Variants in KCNIP1 observed in about 807,000 individuals in gnomAD.
The protein encoded by KCNIP1 is potassium voltage-gated channel interacting protein 1, also known as A-type potassium channel modulatory protein KCNIP1.
In KCNIP1, 18 loss-of-function variants were observed where a neutral mutation model predicts 33.0. The observed-to-expected ratio is 0.55, with a 90% CI of 0.38 to 0.81. The LOEUF is 0.81. KCNIP1 is among the 30% of genes least tolerant of loss of function. KCNIP1 has a pLI of 0.00. For synonymous variants in KCNIP1, 93 were observed against 98.3 expected (o/e 0.95, Z 0.32); for missense variants, 238 against 271.6 (o/e 0.88, Z 0.87).
chr5:170,718,983 G>A (rs1275863796), intron 2 of KCNIP1, 101 bp downstream of exon 2: 10 of 1,460,394 alleles, frequency 6.8e-6, no homozygotes, highest in Non-Finnish European at 8.3e-6. Context: ...CCATATGTGA[G>A]GCTGTACAAG....
chr5:170,504,061 G>GCAGCAGC lies in KCNIP1; in HGVS notation c.-511_-510insAGCAGCC. On this transcript the variant is annotated 5_prime_UTR_variant, in exon 1 of 8. Coordinates refer to ENST00000328939, the MANE Select transcript of KCNIP1 (RefSeq NM_014592.4). This position sits in a 1 kb window ranked among gnomAD's most constrained non-coding sequence, Gnocchi z 6.0. ...GCTGGCAGCAGGCAGCAGGCAGCAG[G>GCAGCAGC]CGGGCGCGCTGTGGCTCCGCGCCGC... The GCAGCAGC allele has an allele frequency of 1.0e-6, 1 of 985,388 alleles. No homozygotes were observed. The highest frequency in any genetic ancestry group is 1.8e-5 in the African/African-American group (1 of 57,138). The allele number at this position is 985,388 out of a possible 1,614,324, so 61.0% of individuals were successfully genotyped here.
At chr5:170,383,689 T>G (rs770467093) in intron 1 of KCNIP1, 3 of 1,614,178 alleles carry the variant, frequency 1.9e-6, no homozygotes, top group Admixed American at 3.3e-5. Context: ...CTGCTGGTTC[T>G]GGTCCCGAGT....
At chr5:170,391,870 T>C (rs1754604990) in intron 1 of KCNIP1, among the ~76,000 whole-genome samples, 1 of 152,198 alleles carries the variant, frequency 6.6e-6, no homozygotes, top group African/African-American at 2.4e-5. Context: ...GTATGGAGAT[T>C]GTCCTTTCCA....
At chr5:170,554,102 A>C (rs1319238130) in intron 1 of KCNIP1, among the ~76,000 whole-genome samples, 1 of 152,052 alleles carries the variant, frequency 6.6e-6, no homozygotes, top group Non-Finnish European at 1.5e-5. Context: ...CTGATTTTTC[A>C]TAAGAACCTG....
At chr5:170,475,701 C>G (rs1440738639) in intron 1 of KCNIP1, among the ~76,000 whole-genome samples, 1 of 152,114 alleles carries the variant, frequency 6.6e-6, no homozygotes, top group Non-Finnish European at 1.5e-5. Context: ...ATTTGAGAGC[C>G]ACAAAGGACC....
At chr5:170,423,274 C>A (rs936456505) in intron 1 of KCNIP1, among the ~76,000 whole-genome samples, 3 of 119,720 alleles carry the variant, frequency 2.5e-5, no homozygotes, top group East Asian at 4.3e-4. Context: ...CAGTGAATTT[C>A]TTTTTCTTTC....
At chr5:170,623,086 G>C (rs988732853) in intron 1 of KCNIP1, among the ~76,000 whole-genome samples, 4 of 152,234 alleles carry the variant, frequency 2.6e-5, no homozygotes, top group African/African-American at 9.6e-5. Context: ...AACCTAATGC[G>C]GCGGCTGATC....
At chr5:170,360,381 C>G (rs1234139189) in intron 1 of KCNIP1, among the ~76,000 whole-genome samples, 1 of 152,228 alleles carries the variant, frequency 6.6e-6, no homozygotes, top group South Asian at 2.1e-4. Flanking sequence ...CATTCCCCAT[C>G]TTGAGTCTGT....
At chr5:170,559,433 T>A (rs1756957433) in intron 1 of KCNIP1, among the ~76,000 whole-genome samples, 2 of 152,132 alleles carry the variant, frequency 1.3e-5, no homozygotes, top group South Asian at 4.1e-4. Flanking sequence ...ACTTTGTAAC[T>A]TCATGCCTTT....
rs571937111 is a variant in KCNIP1, at chr5:170,700,732, C to A, written c.62-18026C>A. Among the ~76,000 whole-genome samples the A allele has an allele frequency of 4.6e-5, 7 of 152,312 alleles. No individual in the cohort carries two copies. In the South Asian group the frequency reaches 1.5e-3, roughly 32 times the overall value. On this transcript the variant is annotated intron_variant, in intron 1 of 7. Coordinates refer to ENST00000328939, the MANE Select transcript of KCNIP1 (RefSeq NM_014592.4). ...TGCCCTGCGGGACACCTGTGGCACACTTCACTCCTGGGACACCTGGGACAC... is the reference window on the plus strand; with the variant it reads ...TGCCCTGCGGGACACCTGTGGCACAATTCACTCCTGGGACACCTGGGACAC...
At chr5:170,628,293 T>C (rs11750115) in intron 1 of KCNIP1, among the ~76,000 whole-genome samples, 101,315 of 151,928 alleles carry the variant, frequency 0.67, 35,574 homozygotes, top group African/African-American at 0.9. Context: ...CCACCTCCCA[T>C]GGCTACCCCC....
At chr5:170,493,399 A>G (rs1210426182) in intron 1 of KCNIP1, among the ~76,000 whole-genome samples, 2 of 152,222 alleles carry the variant, frequency 1.3e-5, no homozygotes, top group East Asian at 3.9e-4. Flanking sequence ...AATAGGTTGC[A>G]TATAGAAGCT....
chr5:170,382,029 T>A (rs1764262942), intron 1 of KCNIP1, among the ~76,000 whole-genome samples: 1 of 151,942 alleles, frequency 6.6e-6, no homozygotes, highest in Non-Finnish European at 1.5e-5. Flanking sequence ...CCACGCCCCA[T>A]CCCAGGCACC....
chr5:170,644,573 C>T (rs73319314), intron 1 of KCNIP1, among the ~76,000 whole-genome samples: 2,135 of 152,232 alleles, frequency 0.014, 51 homozygotes, highest in East Asian at 0.073. Flanking sequence ...AAGCTCAAGA[C>T]AAAAATGATG....
intron 1 of KCNIP1, among the ~76,000 whole-genome samples, chr5:170,396,108 A>G (rs1473844020): frequency 6.6e-6 from 1 of 152,216 alleles, no homozygotes; most frequent in Non-Finnish European, 1.5e-5. Flanking sequence ...CCAGCACACC[A>G]CTTTAGAGGA....
intron 1 of KCNIP1, among the ~76,000 whole-genome samples, chr5:170,645,771 G>T (rs1246665301): frequency 6.6e-6 from 1 of 152,062 alleles, no homozygotes; most frequent in Non-Finnish European, 1.5e-5. Flanking sequence ...TACAATGTCT[G>T]CTCTCAAAGC....
chr5:170,724,315 AG>A (rs1763935375), intron 5 of KCNIP1, among the ~76,000 whole-genome samples: 1 of 152,194 alleles, frequency 6.6e-6, no homozygotes, highest in Admixed American at 6.5e-5. Context: ...AAAGAAAAAA[AG>A]GTCTTATGAA....
intron 1 of KCNIP1, among the ~76,000 whole-genome samples, chr5:170,556,214 CAG>C (rs1329264684): frequency 6.6e-6 from 1 of 152,228 alleles, no homozygotes; most frequent in African/African-American, 2.4e-5. Context: ...CCATGTCAAA[CAG>C]CAAACAAGGG....
At chr5:170,428,643 T>A (rs58788818) in intron 1 of KCNIP1, among the ~76,000 whole-genome samples, 7,834 of 152,214 alleles carry the variant, frequency 0.051, 292 homozygotes, top group East Asian at 0.16. Context: ...GGTGGCTGTG[T>A]CTGCTACAGA....
Sources: gnomAD v4.1 joint callset for allele counts (sites outside exome capture counted in the v4.1 genomes callset) on GRCh38, gnomAD v4.1.1 for gene constraint, Gnocchi (gnomAD v3.1) non-coding constraint, MANE v1.5 for transcripts, NCBI Gene and HGNC (gene_info 2026-07-23, HGNC 2026-07-21) for gene names.